SIMC1: variants seen among roughly 807,000 people sequenced by gnomAD.
SIMC1 encodes the protein SUMO-interacting motif-containing protein 1.
SIMC1 carries 55 observed loss-of-function variants against 82.3 expected under a neutral mutation model. That is an observed-to-expected ratio of 0.67 (90% CI 0.54 to 0.84). The LOEUF is 0.84. SIMC1 is among the 40% of genes least tolerant of loss of function. The pLI, the probability that SIMC1 is intolerant of heterozygous loss-of-function variation, is 0.00. For synonymous variants in SIMC1, 353 were observed against 426.3 expected, an observed-to-expected ratio of 0.83 and a Z score of 2.12; for missense variants, 915 against 1,107.2, an observed-to-expected ratio of 0.83 and a Z score of 2.46.
chr5:176,302,050 C>T lies in SIMC1; in HGVS notation c.1734+5730C>T, dbSNP rs538935859. On this transcript the variant is annotated intron_variant, in intron 4 of 9. Transcript: ENST00000429602. ...AATCATCTGTAGATTACTTATGATA[C>T]CTAATACAATGTAAATTATATATAA... 6.6e-5 allele frequency among the ~76,000 whole-genome samples: 10 copies of T among 152,204 alleles called. No homozygotes were observed. The East Asian group carries it at 1.7e-3, about 26-fold the overall frequency.
chr5:176,246,710 T>C lies in SIMC1; in HGVS notation c.129+8073T>C, dbSNP rs376511959. Among the ~76,000 whole-genome samples, 4 of 152,124 alleles carry C rather than the reference T, an allele frequency of 2.6e-5. No individual in the cohort carries two copies. In the South Asian group the frequency reaches 6.2e-4, roughly 24 times the overall value. ...CATGCCATGGTGGCTGCTGCACTTA[T>C]CAACCCATCATCTACCTTAGGTATT... On this transcript the variant is annotated intron_variant, in intron 1 of 9. Transcript: ENST00000429602.
chr5:176,287,457 C>T (rs955368162), intron 1 of SIMC1, among the ~76,000 whole-genome samples: 38 of 152,020 alleles, frequency 2.5e-4, no homozygotes, highest in African/African-American at 8.9e-4. Flanking sequence ...GGAAGGGCAA[C>T]ATCAACACAC....
At chr5:176,323,193 C>G (rs1765236729) in intron 6 of SIMC1, among the ~76,000 whole-genome samples, 1 of 151,894 alleles carries the variant, frequency 6.6e-6, no homozygotes, top group African/African-American at 2.4e-5. Context: ...ATTTAGGAAA[C>G]AATTTTATAT....
intron 4 of SIMC1, among the ~76,000 whole-genome samples, chr5:176,302,020 C>A (rs1197045802): frequency 6.6e-6 from 1 of 152,158 alleles, no homozygotes; most frequent in Non-Finnish European, 1.5e-5. Flanking sequence ...CTCTTATATA[C>A]TTCAAATCAT....
chr5:176,240,437 TAGTCTCTC>T (rs1761244210), intron 1 of SIMC1, among the ~76,000 whole-genome samples: 1 of 101,788 alleles, frequency 9.8e-6, no homozygotes, highest in Non-Finnish European at 2.2e-5. Context: ...TACATGGGCG[TAGTCTCTC>T]ACTGTTTCCC....
intron 1 of SIMC1, among the ~76,000 whole-genome samples, chr5:176,272,262 T>C (rs1762476443): frequency 7.0e-6 from 1 of 142,986 alleles, no homozygotes. Flanking sequence ...ATAGGATCAC[T>C]CCACTGCACT....
intron 1 of SIMC1, among the ~76,000 whole-genome samples, chr5:176,255,577 CTT>C (rs57239326): frequency 0.53 from 71,724 of 134,186 alleles, 18,894 homozygotes; most frequent in African/African-American, 0.58. Flanking sequence ...GTGAGACTGT[CTT>C]TTTTTTTTTT....
intron 5 of SIMC1, among the ~76,000 whole-genome samples, chr5:176,316,513 C>CAA (rs60873841): frequency 1.8e-3 from 225 of 122,592 alleles, no homozygotes; most frequent in African/African-American, 4.6e-3. Flanking sequence ...CTAAAAAATA[C>CAA]AAAAAAAAAA....
At chr5:176,302,003 G>A (rs2113300182) in intron 4 of SIMC1, among the ~76,000 whole-genome samples, 1 of 152,194 alleles carries the variant, frequency 6.6e-6, no homozygotes, top group South Asian at 2.1e-4. Context: ...TATAACCTAT[G>A]CACATCCTCT....
chr5:176,287,946 T>A (rs1163031292), intron 1 of SIMC1, among the ~76,000 whole-genome samples: 1 of 152,118 alleles, frequency 6.6e-6, no homozygotes, highest in Non-Finnish European at 1.5e-5. Context: ...AGGGGTTAGT[T>A]TAACCAGCGG....
intron 1 of SIMC1, among the ~76,000 whole-genome samples, chr5:176,284,291 C>G (rs1417382741): frequency 6.6e-6 from 1 of 152,200 alleles, no homozygotes; most frequent in African/African-American, 2.4e-5. Flanking sequence ...CACTCCTCAG[C>G]AAATGTAAAA....
chr5:176,290,373 G>A lies in SIMC1; in HGVS notation c.849G>A (p.Leu283=), dbSNP rs1763498755. ...QNIPGPPQDS[L]GLPQDVPGLP... ...TCCCAGGCCCACCTCAAGACTCTCT[G>A]GGCCTACCTCAAGATGTGCCAGGGC... Residue 283 remains leucine, a synonymous_variant, in exon 2 of 10, where the codon CTG becomes CTA. Coordinates refer to ENST00000429602, the MANE Select transcript of SIMC1 (RefSeq NM_001308195.2). The A allele has an allele frequency of 6.2e-7, 1 of 1,613,840 alleles. No homozygotes were observed. Among genetic ancestry groups the A allele is most frequent in the Non-Finnish European group, 8.5e-7 (1 of 1,179,888 alleles).
intron 1 of SIMC1, among the ~76,000 whole-genome samples, chr5:176,259,510 C>T (rs1447638599): frequency 7.9e-5 from 12 of 152,200 alleles, no homozygotes; most frequent in African/African-American, 1.7e-4. Flanking sequence ...TGGTGGCTCA[C>T]GCCTATAATC....
At chr5:176,262,348 G>A (rs1762044162) in intron 1 of SIMC1, among the ~76,000 whole-genome samples, 1 of 147,138 alleles carries the variant, frequency 6.8e-6, no homozygotes. Context: ...ACTTCAGAAA[G>A]AACATCTACA....
intron 1 of SIMC1, among the ~76,000 whole-genome samples, chr5:176,287,598 G>A (rs534616322): frequency 3.4e-4 from 51 of 151,450 alleles, no homozygotes; most frequent in African/African-American, 1.2e-3. Context: ...CCTGCATGTT[G>A]TGCACATGTA....
chr5:176,335,138 T>C (rs566427951), intron 7 of SIMC1, among the ~76,000 whole-genome samples: 40 of 152,028 alleles, frequency 2.6e-4, no homozygotes, highest in African/African-American at 8.9e-4. Flanking sequence ...CAGTCCTTTG[T>C]AGTAAGTTCT....
rs915933367 is a variant in SIMC1, at chr5:176,280,743, A to G, written c.130-8911A>G. Among the ~76,000 whole-genome samples, 9 of 150,802 alleles carry G rather than the reference A, an allele frequency of 6.0e-5. No individual in the cohort carries two copies. The East Asian group carries it at 1.4e-3, about 23-fold the overall frequency. The stretch of plus-strand genomic sequence containing the variant: ...ATTCTGGGTTGAAAATTCTTTAAGA[A>G]TGTTGAATACTGGCCCCCAGTCTCT... On this transcript the variant is annotated intron_variant, in intron 1 of 9. Transcript: ENST00000429602.
rs965339412 is a variant in SIMC1 at position 176,308,644 on chromosome 5, C to G, written c.1735-5047C>G. On this transcript the variant is annotated intron_variant, in intron 4 of 9. Transcript: ENST00000429602. ...CATGGTCCACAAGACTTCTGGAGCTCCAGCCAGCACATCTCCATTGAGGGC... is the reference window on the plus strand; with the variant it reads ...CATGGTCCACAAGACTTCTGGAGCTGCAGCCAGCACATCTCCATTGAGGGC... The G allele has an allele frequency of 2.6e-5, 41 of 1,578,736 alleles. No individual in the cohort carries two copies. In the African/African-American group the frequency reaches 3.9e-4, roughly 15 times the overall value.
chr5:176,307,768 G>A (rs1046225242), intron 4 of SIMC1, among the ~76,000 whole-genome samples: 4 of 152,170 alleles, frequency 2.6e-5, no homozygotes, highest in African/African-American at 7.2e-5. Flanking sequence ...AGAATGTGGA[G>A]AACATAAGTC....
Sources: gnomAD v4.1 joint callset for allele counts (sites outside exome capture counted in the v4.1 genomes callset) on GRCh38, gnomAD v4.1.1 for gene constraint, MANE v1.5 for transcripts, NCBI Gene and HGNC (gene_info 2026-07-23, HGNC 2026-07-21) for gene names.